Variants in EXD3 observed in about 807,000 individuals in gnomAD.
EXD3 encodes the protein exonuclease 3'-5' domain containing 3.
EXD3 carries 92 observed loss-of-function variants against 98.0 expected under a neutral mutation model. That is an observed-to-expected ratio of 0.94 (90% CI 0.79 to 1.12). EXD3 has a LOEUF of 1.12. Among genes scored for constraint, EXD3 ranks in the 50% most tolerant of loss-of-function variants. EXD3 has a pLI of 0.00. For synonymous variants in EXD3, 569 were observed against 526.0 expected (o/e 1.08, Z -1.12); for missense variants, 1,222 against 1,191.6 (o/e 1.03, Z -0.38).
intron 19 of EXD3, among the ~76,000 whole-genome samples, chr9:137,315,220 G>A (rs1263279808): frequency 6.6e-6 from 1 of 152,222 alleles, no homozygotes; most frequent in Non-Finnish European, 1.5e-5. Context: ...CCCAGACCAA[G>A]TTCCCGTGAG....
In EXD3 at chr9:137,383,397, GC is replaced by G. The variant is rs567471124; in HGVS notation, c.56-21del. ...CCCGGCCTGTGGAGATAAGATAACA[GC>G]CGTGGGAGGGAGAGGCAGGTGCAGG... On this transcript the variant is annotated intron_variant, in intron 2 of 21. Transcript: ENST00000340951. The G allele has an allele frequency of 3.0e-4, 459 of 1,527,130 alleles. 1 individual carries two copies. In the Middle Eastern group the frequency reaches 6.9e-3, roughly 23 times the overall value. The allele number at this position is 1,527,130 out of a possible 1,614,324, so 94.6% of individuals were successfully genotyped here.
intron 17 of EXD3, among the ~76,000 whole-genome samples, chr9:137,334,862 G>A (rs113214500): frequency 0.014 from 2,196 of 152,236 alleles, 34 homozygotes; most frequent in African/African-American, 0.048. Flanking sequence ...CGGATCACGA[G>A]GTCAGGAGAT....
intron 1 of EXD3, among the ~76,000 whole-genome samples, chr9:137,402,254 T>G (rs1021967401): frequency 2.6e-5 from 4 of 152,182 alleles, no homozygotes; most frequent in Non-Finnish European, 4.4e-5. Flanking sequence ...GACCTCGTGA[T>G]CCGCCCGTCT....
chr9:137,402,730 C>T (rs1423042301), intron 1 of EXD3, among the ~76,000 whole-genome samples: 3 of 152,132 alleles, frequency 2.0e-5, no homozygotes, highest in African/African-American at 7.2e-5. Context: ...CCACTGGTAC[C>T]AATTTACTGC....
intron 16 of EXD3, among the ~76,000 whole-genome samples, 198 bp downstream of exon 16, chr9:137,348,912 A>T (rs903742591): frequency 1.3e-5 from 2 of 151,468 alleles, no homozygotes; most frequent in African/African-American, 4.9e-5. Flanking sequence ...CTGAGCAGTG[A>T]CCCCCCAGGC....
In EXD3 at chr9:137,307,044, C is replaced by G; in HGVS notation, c.2537G>C (p.Gly846Ala). ...GKVFWDGSHL[G>A]RVATHFRDML... is the part of the protein sequence containing the mutation. Reference sequence around the variant, plus strand: ...GTCTCGGAAGTGGGTGGCAACACGACCCAGGTGGGAGCCGTCCCAGAAGAC... The same window carrying G: ...GTCTCGGAAGTGGGTGGCAACACGAGCCAGGTGGGAGCCGTCCCAGAAGAC... The change falls in exon 22 of 22, where the codon GGT becomes GCT. Residue 846 changes from glycine to alanine, a missense_variant. Physicochemically the swap from Gly to Ala is moderately conservative, Grantham distance 60. Transcript: ENST00000340951. The G allele has an allele frequency of 5.0e-6, 8 of 1,612,274 alleles. No homozygotes were observed. The highest frequency in any genetic ancestry group is 6.8e-6 in the Non-Finnish European group (8 of 1,179,658).
At chr9:137,337,120 A>G (rs7043278) in intron 17 of EXD3, among the ~76,000 whole-genome samples, 128,606 of 152,146 alleles carry the variant, frequency 0.85, 54,532 homozygotes, top group East Asian at 1. Context: ...GTTAAAATAT[A>G]TTTTATAGCA....
At chr9:137,381,737 C>T (rs1044828367) in intron 3 of EXD3, among the ~76,000 whole-genome samples, 2 of 152,206 alleles carry the variant, frequency 1.3e-5, no homozygotes, top group African/African-American at 4.8e-5. Context: ...CCTCTGGGGG[C>T]ACCCGGCGTC....
In EXD3 at chr9:137,307,221, C is replaced by G. The variant is rs1474837799; in HGVS notation, c.2360G>C (p.Arg787Pro). 3 of 1,572,302 alleles carry G rather than the reference C, an allele frequency of 1.9e-6. No individual in the cohort carries two copies. The highest frequency in any genetic ancestry group is 2.6e-6 in the Non-Finnish European group (3 of 1,159,360). ...DAAPEGCTYD[R>P]PCRWLQMADL... ...AGCCATCTGCAGCCAGCGGCAGGGG[C>G]GGTCATAGGTGCAGCCCTCAGGGGC... The change falls in exon 22 of 22, where the codon CGC (arginine) becomes CCC (proline). Residue 787 changes from arginine to proline, a missense_variant. Coordinates refer to ENST00000340951, the MANE Select transcript of EXD3 (RefSeq NM_017820.5).
intron 17 of EXD3, among the ~76,000 whole-genome samples, chr9:137,334,580 A>T (rs753965613): frequency 6.6e-6 from 1 of 152,204 alleles, no homozygotes; most frequent in Non-Finnish European, 1.5e-5. Context: ...TACAAAACCC[A>T]GCTCAAGATG....
Position 137,393,315 on chromosome 9 carries a change from G to A in EXD3, c.55+1988C>T. On this transcript the variant is annotated intron_variant, in intron 2 of 21. Transcript: ENST00000340951. This position sits in a 1 kb window ranked among gnomAD's most constrained non-coding sequence, Gnocchi z 4.6. Reference sequence around the variant, plus strand: ...CCCGGCCCTGACGGCGGTCTCCAGGGGAGGTAACAGGGCCTCATCCCACAC... The same window carrying A: ...CCCGGCCCTGACGGCGGTCTCCAGGAGAGGTAACAGGGCCTCATCCCACAC... 1 of 694,328 alleles carries A rather than the reference G, an allele frequency of 1.4e-6. No individual in the cohort carries two copies. Among genetic ancestry groups the A allele is most frequent in the Non-Finnish European group, 2.6e-6 (1 of 380,238 alleles). 43.0% of individuals were successfully genotyped at this position (694,328 alleles called of 1,614,324 possible). A position where few individuals can be genotyped will look rare whatever the true frequency, so the allele number is the denominator to read the frequency against.
At chr9:137,355,656 A>AG (rs1488000779) in intron 8 of EXD3, among the ~76,000 whole-genome samples, 10 of 77,804 alleles carry the variant, frequency 1.3e-4, no homozygotes, top group African/African-American at 1.8e-4. Flanking sequence ...GGAAGGAGGA[A>AG]GGAGGAAGGA....
intron 17 of EXD3, among the ~76,000 whole-genome samples, chr9:137,327,745 A>T (rs1362334308): frequency 6.7e-6 from 1 of 149,708 alleles, no homozygotes. Flanking sequence ...CATGATGAGT[A>T]AAAACAACTA....
intron 19 of EXD3, among the ~76,000 whole-genome samples, chr9:137,317,379 T>C (rs1178595808): frequency 6.6e-6 from 1 of 152,022 alleles, no homozygotes; most frequent in South Asian, 2.1e-4. Flanking sequence ...ATCCCATCCA[T>C]CCAGGCTGAG....
chr9:137,382,781 A>G (rs116768743), intron 3 of EXD3, among the ~76,000 whole-genome samples: 4,295 of 152,208 alleles, frequency 0.028, 213 homozygotes, highest in African/African-American at 0.097. Flanking sequence ...GGCACTCAGG[A>G]CTTGGCAGCT....
rs1834603665 is a variant in EXD3 at position 137,355,462 on chromosome 9, A to AAGGAGAAGAGG, written c.758-690_758-689insCCTCTTCTCCT. On this transcript the variant is annotated intron_variant, in intron 8 of 21. Transcript: ENST00000340951. ...GAGGAAGGGAGGATGGAGGAAGGAG[A>AAGGAGAAGAGG]AAGGAGGAAGGAGGAAGGAGGAAGG... is the stretch of plus-strand genomic sequence containing the variant. Among the ~76,000 whole-genome samples the AAGGAGAAGAGG allele has an allele frequency of 1.5e-3, 32 of 21,928 alleles. 4 individuals carry two copies. The highest frequency in any genetic ancestry group is 2.6e-3 in the Non-Finnish European group (24 of 9,078). 14.4% of individuals were successfully genotyped at this position (21,928 alleles called of 152,430 possible).
Position 137,349,060 on chromosome 9 carries a change from T to G in EXD3, c.1830+50A>C. 2.0e-6 allele frequency: 3 copies of G among 1,533,196 alleles called. No homozygotes were observed. In the South Asian group the frequency reaches 3.7e-5, roughly 19 times the overall value. The allele number at this position is 1,533,196 out of a possible 1,614,324, so 95.0% of individuals were successfully genotyped here. A position where few individuals can be genotyped will look rare whatever the true frequency, so the allele number is the denominator to read the frequency against. On this transcript the variant is annotated intron_variant, in intron 16 of 21. Transcript: ENST00000340951. The surrounding 1 kb of genome is among the most constrained non-coding windows in gnomAD (Gnocchi z 7.4). ...CAGGTCCTTGGTTTATGGACAGGGATCTCCTTCCCCAAGAATGCTGACAAA... is the reference window on the plus strand; with the variant it reads ...CAGGTCCTTGGTTTATGGACAGGGAGCTCCTTCCCCAAGAATGCTGACAAA...
At chr9:137,339,968 T>TACAA (rs1447740160) in intron 17 of EXD3, among the ~76,000 whole-genome samples, 85 of 152,304 alleles carry the variant, frequency 5.6e-4, no homozygotes, top group African/African-American at 1.9e-3. Context: ...AGATGACGTG[T>TACAA]ACGAACAGAA....
At chr9:137,386,483 C>T (rs1193614235) in intron 2 of EXD3, among the ~76,000 whole-genome samples, 18 of 151,856 alleles carry the variant, frequency 1.2e-4, no homozygotes, top group Admixed American at 6.5e-4. Flanking sequence ...CCCCTCCCAC[C>T]GACCTGGGCC....
Sources: gnomAD v4.1 joint callset for allele counts (sites outside exome capture counted in the v4.1 genomes callset) on GRCh38, gnomAD v4.1.1 for gene constraint, Gnocchi (gnomAD v3.1) non-coding constraint, MANE v1.5 for transcripts, NCBI Gene and HGNC (gene_info 2026-07-23, HGNC 2026-07-21) for gene names.